DUSP13B: variants seen among roughly 807,000 people sequenced by gnomAD.
DUSP13B encodes dual specificity protein phosphatase 13B.
chr10:75,107,483 T>C, the DUSP13B span, among the ~76,000 whole-genome samples: 7 of 152,198 alleles, frequency 4.6e-5, no homozygotes, highest in Admixed American at 3.3e-4. Context: ...TCAGGGTTGC[T>C]CCTAACTCAT....
chr10:75,103,929 T>C, the DUSP13B span: 2 of 1,316,484 alleles, frequency 1.5e-6, no homozygotes, highest in African/African-American at 1.5e-5. Flanking sequence ...AGAGGGGGTG[T>C]AGGCGCCAGG....
the DUSP13B span, chr10:75,099,237 T>C: frequency 6.5e-6 from 8 of 1,232,252 alleles, no homozygotes; most frequent in Non-Finnish European, 7.1e-6. Flanking sequence ...GGAAGGTGCA[T>C]ACTGGGAAGA....
At chr10:75,108,035 G>A in the DUSP13B span, 2 of 1,613,762 alleles carry the variant, frequency 1.2e-6, no homozygotes, top group Non-Finnish European at 1.7e-6. Flanking sequence ...CAGCCGCAGA[G>A]GAGAAGTAGG....
chr10:75,098,947 G>A, the DUSP13B span: 3 of 1,227,958 alleles, frequency 2.4e-6, no homozygotes, highest in Non-Finnish European at 3.0e-6. Flanking sequence ...CCAGAGAGTG[G>A]TCACTAACCC....
At chr10:75,101,840 C>G in the DUSP13B span, 19 of 1,356,716 alleles carry the variant, frequency 1.4e-5, no homozygotes, top group Middle Eastern at 3.0e-4. Context: ...ACATCCTACC[C>G]CCCCCAAATT....
At chr10:75,106,022 C>T in the DUSP13B span, among the ~76,000 whole-genome samples, 7 of 151,834 alleles carry the variant, frequency 4.6e-5, no homozygotes, top group South Asian at 2.1e-4. Context: ...GTTTCCTGAT[C>T]GGTAAAATGG....
the DUSP13B span, chr10:75,107,947 C>A: frequency 6.4e-7 from 1 of 1,564,774 alleles, no homozygotes; most frequent in Non-Finnish European, 8.7e-7. Flanking sequence ...GCATCCTCCC[C>A]ATGAATGAGC....
the DUSP13B span, chr10:75,109,073 G>A: frequency 9.3e-6 from 15 of 1,611,822 alleles, no homozygotes; most frequent in South Asian, 3.3e-5. Context: ...TTCCCTGCCC[G>A]CAGGAGCTCC....
At chr10:75,101,816 C>A in the DUSP13B span, 2 of 1,280,734 alleles carry the variant, frequency 1.6e-6, no homozygotes, top group Non-Finnish European at 2.1e-6. Flanking sequence ...CATTACCCAG[C>A]ATGCTCAGGG....
At chr10:75,101,829 C>G in the DUSP13B span, 39 of 1,342,284 alleles carry the variant, frequency 2.9e-5, no homozygotes, top group Admixed American at 7.2e-4. Flanking sequence ...GCTCAGGGAC[C>G]ACATCCTACC....
the DUSP13B span, chr10:75,095,785 G>A: frequency 2.2e-5 from 36 of 1,614,088 alleles, no homozygotes; most frequent in African/African-American, 5.3e-5. Context: ...CTCTTGTCCC[G>A]GGCTGCGTAC....
the DUSP13B span, chr10:75,105,756 C>G: frequency 6.4e-7 from 1 of 1,553,514 alleles, no homozygotes; most frequent in Non-Finnish European, 8.7e-7. Flanking sequence ...ATCGGTGCTG[C>G]CTCACGGTGA....
At chr10:75,104,753 G>T in the DUSP13B span, among the ~76,000 whole-genome samples, 1 of 152,066 alleles carries the variant, frequency 6.6e-6, no homozygotes, top group Non-Finnish European at 1.5e-5. Flanking sequence ...TCTAAACTTA[G>T]CCCCTGATCC....
the DUSP13B span, among the ~76,000 whole-genome samples, chr10:75,106,648 T>TA: frequency 6.6e-6 from 1 of 152,338 alleles, no homozygotes; most frequent in South Asian, 2.1e-4. Context: ...GGCCCACTCT[T>TA]ATGAGTAGCT....
the DUSP13B span, among the ~76,000 whole-genome samples, chr10:75,096,178 C>A: frequency 6.6e-6 from 1 of 151,988 alleles, no homozygotes; most frequent in South Asian, 2.1e-4. Flanking sequence ...TCACTTAAAC[C>A]CAGGAGGCGG....
At chr10:75,099,881 T>C in the DUSP13B span, among the ~76,000 whole-genome samples, 29 of 152,156 alleles carry the variant, frequency 1.9e-4, no homozygotes, top group Admixed American at 1.8e-3. Flanking sequence ...TTCAGGATGC[T>C]CTGGGGGTCT....
At chr10:75,103,814 C>T in the DUSP13B span, 1 of 1,118,436 alleles carries the variant, frequency 8.9e-7, no homozygotes, top group Non-Finnish European at 1.2e-6. Context: ...CTCTCTCCTC[C>T]CCTCCCCACT....
At chr10:75,104,025 C>T in the DUSP13B span, 2 of 1,362,032 alleles carry the variant, frequency 1.5e-6, no homozygotes, top group South Asian at 2.3e-5. Flanking sequence ...GCCAGAGCCT[C>T]CAGCAGCACC....
At chr10:75,097,955 C>A in the DUSP13B span, 1 of 1,429,812 alleles carries the variant, frequency 7.0e-7, no homozygotes. Context: ...GATGGGGAAG[C>A]CCATGGTGCA....
Sources: gnomAD v4.1 joint callset for allele counts (sites outside exome capture counted in the v4.1 genomes callset) on GRCh38, gnomAD v4.1.1 for gene constraint, MANE v1.5 for transcripts, NCBI Gene and HGNC (gene_info 2026-07-23, HGNC 2026-07-21) for gene names.